Variants in WDR27 observed in about 807,000 individuals in gnomAD.
WDR27 encodes WD repeat domain 27, also known as WD repeat-containing protein 27.
A neutral mutation model predicts 114.4 loss-of-function variants in WDR27; 100 were observed. The observed-to-expected ratio is 0.87, with a 90% CI of 0.74 to 1.03. WDR27 has a LOEUF of 1.03. Ranked by LOEUF, WDR27 falls within the 50% of genes least tolerant of loss-of-function variation. The pLI is 0.00. For synonymous variants in WDR27, 449 were observed against 423.1 expected (o/e 1.06, Z -0.75); for missense variants, 1,129 against 1,092.9 (o/e 1.03, Z -0.47).
At chr6:169,616,465 C>T (rs543501876) in intron 21 of WDR27, among the ~76,000 whole-genome samples, 5 of 151,854 alleles carry the variant, frequency 3.3e-5, no homozygotes, top group African/African-American at 4.8e-5. Context: ...TCCAGCCTGG[C>T]GATAGAGCAA....
chr6:169,632,361 T>C (rs1410526567), intron 21 of WDR27, among the ~76,000 whole-genome samples: 4 of 152,136 alleles, frequency 2.6e-5, no homozygotes, highest in Admixed American at 1.3e-4. Context: ...TCCAGGCATA[T>C]CAACAACCAA....
At chr6:169,631,427 G>A (rs577867320) in intron 21 of WDR27, among the ~76,000 whole-genome samples, 1 of 151,928 alleles carries the variant, frequency 6.6e-6, no homozygotes, top group Admixed American at 6.6e-5. Flanking sequence ...GTGGTGGGGT[G>A]GGGGGGTGGA....
intron 25 of WDR27, among the ~76,000 whole-genome samples, chr6:169,489,417 T>C (rs2115427092): frequency 6.6e-6 from 1 of 152,354 alleles, no homozygotes; most frequent in South Asian, 2.1e-4. Context: ...CGTCTCCTAC[T>C]TCTGCACTGG....
At chr6:169,458,006 A>AGGAGGAGGTGGT (rs869143503) in intron 25 of WDR27, among the ~76,000 whole-genome samples, 1 of 139,962 alleles carries the variant, frequency 7.1e-6, no homozygotes, top group African/African-American at 2.6e-5. Context: ...GAGGAGGAGG[A>AGGAGGAGGTGGT]GGTGGTGGTG....
chr6:169,516,836 C>CACACACACACACACA (rs1562522095), intron 25 of WDR27, among the ~76,000 whole-genome samples: 18 of 149,792 alleles, frequency 1.2e-4, no homozygotes, highest in Non-Finnish European at 2.2e-4. Flanking sequence ...CACACACACA[C>CACACACACACACACA]CCCTCCCTTA....
intron 25 of WDR27, among the ~76,000 whole-genome samples, chr6:169,465,802 T>C (rs1013596056): frequency 9.9e-5 from 15 of 152,024 alleles, no homozygotes; most frequent in African/African-American, 3.4e-4. Flanking sequence ...AAAAGATAAA[T>C]GTGAGGTACC....
downstream of WDR27, among the ~76,000 whole-genome samples, chr6:169,454,055 T>G (rs1784254182): frequency 6.6e-6 from 1 of 152,082 alleles, no homozygotes; most frequent in Admixed American, 6.6e-5. Flanking sequence ...GTTGGGAACA[T>G]ACAGAAAAAA....
At position 169,699,635 on chromosome 6, in the gene WDR27, T is replaced by C. The variant is rs370153022; in HGVS notation, c.-8+1916A>G. 1.2e-4 allele frequency among the ~76,000 whole-genome samples: 18 copies of C among 152,216 alleles called. No individual in the cohort carries two copies. In the South Asian group the frequency reaches 1.5e-3, roughly 12 times the overall value. ...GCAGCCTTCCAAGACAGCATCCTCA[T>C]AGCCACATCAGATGAGACCGTGGAG... On this transcript the variant is annotated intron_variant, in intron 1 of 25. Transcript: ENST00000448612.
the WDR27 span, among the ~76,000 whole-genome samples, chr6:169,429,270 C>T: frequency 6.6e-6 from 1 of 152,190 alleles, no homozygotes; most frequent in African/African-American, 2.4e-5. Context: ...GCTTTACTTG[C>T]TGACACAAGC....
At chr6:169,577,569 G>A (rs535860247) in intron 24 of WDR27, among the ~76,000 whole-genome samples, 1 of 152,284 alleles carries the variant, frequency 6.6e-6, no homozygotes, top group East Asian at 1.9e-4. Context: ...ACTCGGCCCC[G>A]AAGCAGGACG....
intron 3 of WDR27, 30 bp from the exon 4 acceptor site, chr6:169,670,723 TTACCAAA>T (rs1562889727): frequency 6.2e-7 from 1 of 1,612,470 alleles, no homozygotes. Context: ...TAGTGCCAGT[TTACCAAA>T]TGCATTCAGC....
Position 169,476,382 on chromosome 6 carries a change from A to G in WDR27, c.2646-18748T>C, listed in dbSNP as rs532287701. Among the ~76,000 whole-genome samples, 12 of 152,330 alleles carry G rather than the reference A, an allele frequency of 7.9e-5. No homozygotes were observed. The South Asian group carries it at 1.9e-3, about 24-fold the overall frequency. On this transcript the variant is annotated intron_variant, in intron 25 of 25. Coordinates refer to ENST00000448612, the MANE Select transcript of WDR27 (RefSeq NM_182552.5). Reference sequence around the variant, plus strand: ...TCCATTATCTCAAGTAGCAGAGCATATGCTAAACCATCACAGCTGTAAATC... The same window carrying G: ...TCCATTATCTCAAGTAGCAGAGCATGTGCTAAACCATCACAGCTGTAAATC...
chr6:169,616,154 T>C (rs1317160992), intron 21 of WDR27, among the ~76,000 whole-genome samples: 1 of 152,108 alleles, frequency 6.6e-6, no homozygotes, highest in African/African-American at 2.4e-5. Flanking sequence ...ATATCCCTAA[T>C]AACATGCCCT....
At chr6:169,601,731 T>A (rs1808021841) in intron 23 of WDR27, among the ~76,000 whole-genome samples, 1 of 152,194 alleles carries the variant, frequency 6.6e-6, no homozygotes, top group African/African-American at 2.4e-5. Context: ...TTAAAATAGA[T>A]TATGGACAAG....
rs1232912547 is a variant in WDR27 at position 169,573,726 on chromosome 6, C to T, written c.2524-1186G>A. On this transcript the variant is annotated intron_variant, in intron 24 of 25. Transcript: ENST00000448612. ...TCCAATAAATTATATCTCTGTGTAT[C>T]CGCGTGTGAAGCAGCTTTCTCCATA... is the stretch of plus-strand genomic sequence containing the variant. Among the ~76,000 whole-genome samples the T allele has an allele frequency of 2.0e-5, 3 of 152,302 alleles. No homozygotes were observed. The East Asian group carries it at 5.8e-4, about 29-fold the overall frequency.
At chr6:169,643,840 T>C in intron 16 of WDR27, 54 bp from the exon 17 acceptor site, 1 of 1,439,182 alleles carries the variant, frequency 6.9e-7, no homozygotes, top group East Asian at 2.4e-5. Context: ...TTCATAGGAG[T>C]CACACTGTAG....
chr6:169,533,838 T>C (rs1214627302), intron 25 of WDR27, among the ~76,000 whole-genome samples: 1 of 151,920 alleles, frequency 6.6e-6, no homozygotes, highest in Non-Finnish European at 1.5e-5. Context: ...TGTGTGTGTG[T>C]GTGTGTGTGT....
intron 25 of WDR27, among the ~76,000 whole-genome samples, chr6:169,509,165 G>A (rs541060393): frequency 5.2e-4 from 79 of 152,278 alleles, no homozygotes; most frequent in Non-Finnish European, 9.0e-4. Context: ...CCATGCTCAC[G>A]GGTAGGAAGA....
chr6:169,547,389 C>G lies in WDR27; in HGVS notation c.2645+25030G>C, dbSNP rs115599965. On this transcript the variant is annotated intron_variant, in intron 25 of 25. Transcript: ENST00000448612. The stretch of plus-strand genomic sequence containing the variant: ...ACAACAAAAAAAAGACAACTAGAGA[C>G]TAATATTTCTCATGTAGACAGATGC... Among the ~76,000 whole-genome samples the G allele has an allele frequency of 3.9e-3, 589 of 152,220 alleles. 6 individuals are homozygous for G. Among genetic ancestry groups the G allele is most frequent in the African/African-American group, 0.014 (565 of 41,570 alleles).
Sources: gnomAD v4.1 joint callset for allele counts (sites outside exome capture counted in the v4.1 genomes callset) on GRCh38, gnomAD v4.1.1 for gene constraint, MANE v1.5 for transcripts, NCBI Gene and HGNC (gene_info 2026-07-23, HGNC 2026-07-21) for gene names.